VTI1A: variants seen among roughly 807,000 people sequenced by gnomAD.
VTI1A encodes the protein vesicle transport through interaction with t-SNAREs 1A, also known as vesicle transport through interaction with t-SNAREs homolog 1A.
In VTI1A, 22 loss-of-function variants were observed where a neutral mutation model predicts 34.9. The ratio of observed to expected loss-of-function variants is 0.63; its 90% CI spans 0.45 to 0.90. The LOEUF (loss-of-function observed/expected upper bound fraction) is 0.90. VTI1A is among the 40% of genes least tolerant of loss of function. The pLI is 0.00. For synonymous variants in VTI1A, 87 were observed against 97.3 expected (o/e 0.89, Z 0.62); for missense variants, 268 against 275.6 (o/e 0.97, Z 0.20).
chr10:112,574,331 AAT>A (rs1852254256), intron 5 of VTI1A, among the ~76,000 whole-genome samples: 1 of 152,216 alleles, frequency 6.6e-6, no homozygotes, highest in Non-Finnish European at 1.5e-5. Context: ...CTTTAATGCA[AAT>A]ATATTTAGTC....
the VTI1A span, among the ~76,000 whole-genome samples, chr10:112,837,719 G>C: frequency 6.6e-6 from 1 of 152,212 alleles, no homozygotes; most frequent in Admixed American, 6.5e-5. Context: ...AGGCAGCCAA[G>C]TCCCTAGAGA....
At chr10:112,824,498 C>G in the VTI1A span, 3 of 152,596 alleles carry the variant, frequency 2.0e-5, no homozygotes, top group Non-Finnish European at 4.4e-5. Context: ...TCGCTTGAAC[C>G]TGGGAAGCCG....
chr10:112,641,011 C>T (rs1038903959), intron 5 of VTI1A, among the ~76,000 whole-genome samples: 3 of 151,888 alleles, frequency 2.0e-5, no homozygotes, highest in African/African-American at 7.3e-5. Context: ...CATATAACTT[C>T]AAAAGAATAC....
chr10:112,542,376 C>T (rs902867822), intron 5 of VTI1A, among the ~76,000 whole-genome samples: 4 of 152,282 alleles, frequency 2.6e-5, no homozygotes, highest in African/African-American at 4.8e-5. Context: ...TCAGCAGCCT[C>T]ACATCCTTGA....
chr10:112,740,120 C>T (rs948419218), intron 7 of VTI1A, among the ~76,000 whole-genome samples: 1 of 152,122 alleles, frequency 6.6e-6, no homozygotes, highest in Non-Finnish European at 1.5e-5. Flanking sequence ...AAGATAAGAC[C>T]TCAACCATTG....
At chr10:112,707,480 C>T (rs12771544) in intron 7 of VTI1A, among the ~76,000 whole-genome samples, 23,452 of 151,908 alleles carry the variant, frequency 0.15, 2,050 homozygotes, top group Middle Eastern at 0.23. Context: ...ATTACAGGCA[C>T]GCGCCCCCAT....
At chr10:112,473,801 C>T (rs184041171) in intron 3 of VTI1A, among the ~76,000 whole-genome samples, 227 of 152,248 alleles carry the variant, frequency 1.5e-3, no homozygotes, top group Admixed American at 2.7e-3. Flanking sequence ...ACTTTACATG[C>T]ATTACTCATT....
chr10:112,494,602 A>G (rs1031974390), intron 3 of VTI1A, among the ~76,000 whole-genome samples: 6 of 152,034 alleles, frequency 3.9e-5, no homozygotes, highest in African/African-American at 1.4e-4. Context: ...TCCGCCTCCC[A>G]GGTTCAAGTG....
At chr10:112,619,358 T>C (rs573616275) in intron 5 of VTI1A, among the ~76,000 whole-genome samples, 1 of 151,752 alleles carries the variant, frequency 6.6e-6, no homozygotes. Context: ...CATCTGGAGG[T>C]CTGGGTAAGC....
At chr10:112,498,229 A>G (rs1849095509) in intron 3 of VTI1A, among the ~76,000 whole-genome samples, 1 of 152,228 alleles carries the variant, frequency 6.6e-6, no homozygotes, top group Non-Finnish European at 1.5e-5. Flanking sequence ...TTATTAGACC[A>G]TAATCTGCAT....
chr10:112,475,580 G>C (rs1052989554), intron 3 of VTI1A, among the ~76,000 whole-genome samples: 5 of 152,194 alleles, frequency 3.3e-5, no homozygotes, highest in Non-Finnish European at 7.3e-5. Flanking sequence ...TCCAGAAACA[G>C]TGCTAACATG....
At chr10:112,805,257 T>C (rs543058673) in intron 7 of VTI1A, among the ~76,000 whole-genome samples, 2 of 152,310 alleles carry the variant, frequency 1.3e-5, no homozygotes, top group South Asian at 2.1e-4. Context: ...GGGCTAATAA[T>C]AGTTGTACAT....
chr10:112,480,506 A>C (rs1217593930), intron 3 of VTI1A, among the ~76,000 whole-genome samples: 1 of 152,060 alleles, frequency 6.6e-6, no homozygotes, highest in Non-Finnish European at 1.5e-5. Flanking sequence ...GGGTCATTCA[A>C]CCCATATGTG....
intron 3 of VTI1A, among the ~76,000 whole-genome samples, chr10:112,466,555 A>G (rs1419166690): frequency 1.3e-5 from 2 of 152,214 alleles, no homozygotes; most frequent in African/African-American, 4.8e-5. Flanking sequence ...AATATGAAAT[A>G]TAGTGAGAAA....
chr10:112,837,345 G>T, the VTI1A span, among the ~76,000 whole-genome samples: 5 of 152,054 alleles, frequency 3.3e-5, no homozygotes, highest in African/African-American at 9.7e-5. Flanking sequence ...ATCCTGGGAG[G>T]GGGAGGGGAT....
At chr10:112,633,290 A>G (rs1213183149) in intron 5 of VTI1A, among the ~76,000 whole-genome samples, 1 of 152,200 alleles carries the variant, frequency 6.6e-6, no homozygotes, top group Non-Finnish European at 1.5e-5. Context: ...ATTAGCTCAC[A>G]TCCTTTGAGT....
At chr10:112,576,883 A>G (rs1399810319) in intron 5 of VTI1A, among the ~76,000 whole-genome samples, 2 of 152,214 alleles carry the variant, frequency 1.3e-5, no homozygotes, top group African/African-American at 4.8e-5. Context: ...ACTGAAATAA[A>G]TATTTTATGA....
At chr10:112,686,679 G>A (rs1277272459) in intron 7 of VTI1A, among the ~76,000 whole-genome samples, 1 of 152,146 alleles carries the variant, frequency 6.6e-6, no homozygotes, top group Admixed American at 6.6e-5. Flanking sequence ...ATACTGCCTC[G>A]CAAAGTCAGC....
chr10:112,534,000 A>G (rs1176481536), intron 4 of VTI1A, among the ~76,000 whole-genome samples: 12 of 152,104 alleles, frequency 7.9e-5, no homozygotes, highest in Admixed American at 7.9e-4. Flanking sequence ...TGGGTTTAAC[A>G]TAAGACACCA....
Sources: gnomAD v4.1 joint callset for allele counts (sites outside exome capture counted in the v4.1 genomes callset) on GRCh38, gnomAD v4.1.1 for gene constraint, MANE v1.5 for transcripts, NCBI Gene and HGNC (gene_info 2026-07-23, HGNC 2026-07-21) for gene names.